Variants in PDXK observed in about 807,000 individuals in gnomAD.
The protein encoded by PDXK is pyridoxal kinase.
In PDXK, 15 loss-of-function variants were observed where a neutral mutation model predicts 43.2. That is an observed-to-expected ratio of 0.35 (90% CI 0.23 to 0.53). The LOEUF (loss-of-function observed/expected upper bound fraction) is 0.53, where lower values mean the gene tolerates loss of function less well. Ranked by LOEUF, PDXK falls within the 20% of genes least tolerant of loss-of-function variation. The probability of loss-of-function intolerance (pLI) is 0.92; values close to 1 mark genes in which losing one functional copy is unlikely to be tolerated. For synonymous variants in PDXK, 172 were observed against 165.4 expected (o/e 1.04, Z -0.31); for missense variants, 343 against 417.0 (o/e 0.82, Z 1.54).
At chr21:43,745,886 A>T (rs2083630347) in intron 4 of PDXK, 193 bp from the exon 5 acceptor site, 2 of 615,612 alleles carry the variant, frequency 3.2e-6, no homozygotes, top group Non-Finnish European at 6.0e-6. Flanking sequence ...GGTCTCAGCC[A>T]CTTGGGAGGG....
Position 43,756,166 on chromosome 21 carries a change from A to G in PDXK, c.*103A>G, listed in dbSNP as rs768616042. On this transcript the variant is annotated 3_prime_UTR_variant, in exon 11 of 11. Transcript: ENST00000291565. Reference sequence around the variant, plus strand: ...CTTAGAGCCATGACCGAAACTTGATATTTTTTTCTTTCATGAGTGTCCGGC... The same window carrying G: ...CTTAGAGCCATGACCGAAACTTGATGTTTTTTTCTTTCATGAGTGTCCGGC... 131 of 663,624 alleles carry G rather than the reference A, an allele frequency of 2.0e-4. No individual in the cohort carries two copies. Among genetic ancestry groups the G allele is most frequent in the Non-Finnish European group, 3.2e-4 (122 of 381,850 alleles). 41.1% of individuals were successfully genotyped at this position (663,624 alleles called of 1,614,324 possible).
At chr21:43,741,611 C>T (rs1465456004) in intron 2 of PDXK, 56 bp from the exon 3 acceptor site, 2 of 1,592,664 alleles carry the variant, frequency 1.3e-6, no homozygotes, top group Admixed American at 1.8e-5. Context: ...AAGGGAAGCC[C>T]ACGGCCCCAG....
Position 43,756,322 on chromosome 21 carries a change from C to A in PDXK, c.*259C>A. On this transcript the variant is annotated 3_prime_UTR_variant, in exon 11 of 11. Transcript: ENST00000291565. Reference sequence around the variant, plus strand: ...CTCCTGGGCCTCCGGGAAGACGGGCCCCTGTTTGCCATCTCGGGGGTGTTC... The same window carrying A: ...CTCCTGGGCCTCCGGGAAGACGGGCACCTGTTTGCCATCTCGGGGGTGTTC... 2.7e-6 allele frequency: 1 copy of A among 366,678 alleles called. No homozygotes were observed. Among genetic ancestry groups the A allele is most frequent in the Non-Finnish European group, 5.1e-6 (1 of 195,442 alleles). The allele number at this position is 366,678 out of a possible 1,614,324, so 22.7% of individuals were successfully genotyped here. A position where few individuals can be genotyped will look rare whatever the true frequency, so the allele number is the denominator to read the frequency against.
intron 1 of PDXK, among the ~76,000 whole-genome samples, chr21:43,730,069 G>A (rs2083298222): frequency 6.6e-6 from 1 of 152,090 alleles, no homozygotes; most frequent in African/African-American, 2.4e-5. Flanking sequence ...GACCGTCACA[G>A]CAGGTATGGA....
At chr21:43,729,001 A>T in intron 1 of PDXK, 1 of 985,650 alleles carries the variant, frequency 1.0e-6, no homozygotes, top group South Asian at 4.7e-5. Context: ...GACGGGGCGC[A>T]CGCCTGCAGG....
chr21:43,757,409 G>A lies in PDXK; in HGVS notation c.*1346G>A, dbSNP rs955929947. 2.6e-5 allele frequency: 4 copies of A among 152,266 alleles called. No homozygotes were observed. The highest frequency in any genetic ancestry group is 9.7e-5 in the African/African-American group (4 of 41,446). 9.4% of individuals were successfully genotyped at this position (152,266 alleles called of 1,614,324 possible). A position where few individuals can be genotyped will look rare whatever the true frequency, so the allele number is the denominator to read the frequency against. On this transcript the variant is annotated 3_prime_UTR_variant, in exon 11 of 11. Coordinates refer to ENST00000291565, the MANE Select transcript of PDXK (RefSeq NM_003681.5). ...AGAGAAATAGGGAGATGCAGGAAGT[G>A]GGGGCCCATGGGGCCCCCAAGAAGC... is the stretch of plus-strand genomic sequence containing the variant.
intron 7 of PDXK, among the ~76,000 whole-genome samples, chr21:43,751,684 T>C (rs2083754138): frequency 6.6e-6 from 1 of 152,220 alleles, no homozygotes; most frequent in South Asian, 2.1e-4. Flanking sequence ...CTGCACCTTG[T>C]TGCTGCATCC....
chr21:43,720,950 C>T (rs1601775803), intron 1 of PDXK, among the ~76,000 whole-genome samples: 1 of 152,190 alleles, frequency 6.6e-6, no homozygotes, highest in African/African-American at 2.4e-5. Flanking sequence ...CCTTTGTTCT[C>T]GAACTCCCAG....
intron 1 of PDXK, among the ~76,000 whole-genome samples, chr21:43,726,050 A>G (rs543748790): frequency 2.6e-5 from 4 of 151,648 alleles, no homozygotes; most frequent in African/African-American, 2.4e-5. Context: ...GGCCTCTGCC[A>G]GTCCCTGGGT....
chr21:43,746,142 G>A lies in PDXK; in HGVS notation c.378+17G>A. On this transcript the variant is annotated intron_variant, in intron 5 of 10. Transcript: ENST00000291565. ...GGCTCGATGGTGAGTAGTTTCACGT[G>A]TGTGATTTAAAAGTGTGGTGAGTGG... 1.2e-6 allele frequency: 2 copies of A among 1,605,500 alleles called. No homozygotes were observed. The highest frequency in any genetic ancestry group is 1.1e-5 in the South Asian group (1 of 90,876).
In PDXK at chr21:43,732,636, T is replaced by G. The variant is rs1469026567; in HGVS notation, c.88-1433T>G. ...GTGTCATCGTTGCTTAATATCTGTT[T>G]CTTCACAGTCGGTTAGAATTTTAAA... On this transcript the variant is annotated intron_variant, in intron 1 of 10. Coordinates refer to ENST00000291565, the MANE Select transcript of PDXK (RefSeq NM_003681.5). This position sits in a 1 kb window ranked among gnomAD's most constrained non-coding sequence, Gnocchi z 4.1. 6 of 782,126 alleles carry G rather than the reference T, an allele frequency of 7.7e-6. No individual in the cohort carries two copies. Among genetic ancestry groups the G allele is most frequent in the Non-Finnish European group, 1.4e-5 (6 of 420,178 alleles). The allele number at this position is 782,126 out of a possible 1,614,324, so 48.4% of individuals were successfully genotyped here.
rs752565335 is a variant in PDXK at position 43,755,965 on chromosome 21, G to C, written c.841G>C (p.Gly281Arg). 5 of 1,610,916 alleles carry C rather than the reference G, an allele frequency of 3.1e-6. No homozygotes were observed. The highest frequency in any genetic ancestry group is 4.2e-6 in the Non-Finnish European group (5 of 1,178,038). ...CTGCCCCGCAGCCCAGGCCGGGGAA[G>C]GAGTGAGGCCCAGCCCCATGCAGCT... ...IQCAKAQAGE[G>R]VRPSPMQLEL... The change falls in exon 11 of 11, where the codon GGA becomes CGA. Residue 281 changes from glycine to arginine, a missense_variant. Coordinates refer to ENST00000291565, the MANE Select transcript of PDXK (RefSeq NM_003681.5).
At chr21:43,745,756 G>T in intron 4 of PDXK, 1 of 318,392 alleles carries the variant, frequency 3.1e-6, no homozygotes, top group Non-Finnish European at 5.9e-6. Flanking sequence ...GAGCACTTTG[G>T]GAGGCCAAGG....
At chr21:43,727,827 G>A (rs975232819) in intron 1 of PDXK, among the ~76,000 whole-genome samples, 1 of 152,208 alleles carries the variant, frequency 6.6e-6, no homozygotes, top group Admixed American at 6.5e-5. Context: ...TTTGCTGCAC[G>A]CTGTGGGGGT....
intron 4 of PDXK, 85 bp downstream of exon 4, chr21:43,743,892 C>A (rs1277197702): frequency 1.2e-6 from 1 of 835,924 alleles, no homozygotes; most frequent in African/African-American, 1.7e-5. Flanking sequence ...GACGTCTTAG[C>A]CTCCTTCCTC....
intron 4 of PDXK, among the ~76,000 whole-genome samples, chr21:43,744,013 C>G (rs1036415558): frequency 5.3e-5 from 8 of 152,196 alleles, no homozygotes; most frequent in Admixed American, 5.2e-4. Context: ...TGCAGGTGAC[C>G]CTGGTGTCTT....
chr21:43,756,304 G>A lies in PDXK; in HGVS notation c.*241G>A, dbSNP rs1294366858. The A allele has an allele frequency of 7.6e-6, 3 of 393,236 alleles. No individual in the cohort carries two copies. Among genetic ancestry groups the A allele is most frequent in the East Asian group, 5.2e-5 (1 of 19,210 alleles). 24.4% of individuals were successfully genotyped at this position (393,236 alleles called of 1,614,324 possible). A position where few individuals can be genotyped will look rare whatever the true frequency, so the allele number is the denominator to read the frequency against. Reference sequence around the variant, plus strand: ...GCTCCCTTCCCCACAAGGCTCCTGGGCCTCCGGGAAGACGGGCCCCTGTTT... The same window carrying A: ...GCTCCCTTCCCCACAAGGCTCCTGGACCTCCGGGAAGACGGGCCCCTGTTT... On this transcript the variant is annotated 3_prime_UTR_variant, in exon 11 of 11. Coordinates refer to ENST00000291565, the MANE Select transcript of PDXK (RefSeq NM_003681.5).
intron 3 of PDXK, among the ~76,000 whole-genome samples, chr21:43,742,708 C>G (rs967260556): frequency 6.6e-6 from 1 of 152,000 alleles, no homozygotes; most frequent in Non-Finnish European, 1.5e-5. Flanking sequence ...GAGACCTTGT[C>G]TCTACAAAAA....
intron 1 of PDXK, among the ~76,000 whole-genome samples, chr21:43,730,499 A>G (rs539746942): frequency 2.6e-5 from 4 of 152,298 alleles, no homozygotes; most frequent in South Asian, 4.1e-4. Flanking sequence ...AACGTAAACT[A>G]CCAACCTGAG....
Sources: gnomAD v4.1 joint callset for allele counts (sites outside exome capture counted in the v4.1 genomes callset) on GRCh38, gnomAD v4.1.1 for gene constraint, Gnocchi (gnomAD v3.1) non-coding constraint, MANE v1.5 for transcripts, NCBI Gene and HGNC (gene_info 2026-07-23, HGNC 2026-07-21) for gene names.